The following NIP7 variants were observed in gnomAD, a reference collection of about 807,000 sequenced individuals.
NIP7 encodes the protein 60S ribosome subunit biogenesis protein NIP7 homolog.
NIP7 carries 12 observed loss-of-function variants against 20.1 expected under a neutral mutation model. The observed-to-expected ratio is 0.60, with a 90% confidence interval of 0.38 to 0.97. The LOEUF is 0.97. Ranked by LOEUF, NIP7 falls within the 50% of genes least tolerant of loss-of-function variation. NIP7 has a pLI of 0.00. For missense variants in NIP7, 226 were observed against 226.6 expected (o/e 1.00, Z 0.02); for synonymous variants, 103 against 87.2 (o/e 1.18, Z -1.01).
rs2012556961 is a variant in NIP7, at chr16:69,341,612, A to T, written c.503A>T (p.Asp168Val). ...GCGATTGTGGTATTTCATCAAGCAG[A>T]CATTGGGGAATATGTGCGGCATGAA... Reference protein sequence around the residue: ...PMAIVVFHQADIGEYVRHEET... With the variant: ...PMAIVVFHQAVIGEYVRHEET... The change falls in exon 5 of 5, where the codon GAC becomes GTC. Residue 168 changes from aspartate (D) to valine (V), a missense_variant. By Grantham distance (152) the Asp-to-Val change is radical. Coordinates refer to ENST00000254940, the MANE Select transcript of NIP7 (RefSeq NM_016101.5). 6.2e-7 allele frequency: 1 copy of T among 1,614,108 alleles called. No homozygotes were observed. Among genetic ancestry groups the T allele is most frequent in the Non-Finnish European group, 8.5e-7 (1 of 1,180,050 alleles).
At chr16:69,340,698 T>C in intron 3 of NIP7, 1 of 242,334 alleles carries the variant, frequency 4.1e-6, no homozygotes, top group South Asian at 8.3e-5. Context: ...TTCTTTTTCT[T>C]TCTTGCTCTG....
intron 3 of NIP7, 194 bp downstream of exon 3, chr16:69,340,526 T>G: frequency 1.5e-6 from 1 of 689,474 alleles, no homozygotes; most frequent in Non-Finnish European, 2.4e-6. Context: ...TGCGTAGGGT[T>G]AGTTTTCTCC....
intron 2 of NIP7, 44 bp downstream of exon 2, chr16:69,340,136 G>A (rs768234764): frequency 2.5e-6 from 4 of 1,612,972 alleles, no homozygotes; most frequent in Non-Finnish European, 3.4e-6. Flanking sequence ...GGGGAGAGGG[G>A]TCCTGGGTCC....
In NIP7 at chr16:69,342,988, T is replaced by TA. The variant is rs750964906; in HGVS notation, c.*1339dup. The TA allele has an allele frequency of 6.5e-6, 1 of 154,806 alleles. No homozygotes were observed. Among genetic ancestry groups the TA allele is most frequent in the Admixed American group, 6.4e-5 (1 of 15,580 alleles). The allele number at this position is 154,806 out of a possible 1,614,324, so 9.6% of individuals were successfully genotyped here. A position where few individuals can be genotyped will look rare whatever the true frequency, so the allele number is the denominator to read the frequency against. The stretch of plus-strand genomic sequence containing the variant: ...TTAAATATTTTATAGACAAAAAATT[T>TA]AAAGACTATCTGTATTGCAAAATTA... On this transcript the variant is annotated 3_prime_UTR_variant, in exon 5 of 5. Transcript: ENST00000254940.
rs899332163 is a variant in NIP7, at chr16:69,341,869, T to A, written c.*217T>A. 9.3e-6 allele frequency: 4 copies of A among 427,942 alleles called. No individual in the cohort carries two copies. Among genetic ancestry groups the A allele is most frequent in the Non-Finnish European group, 1.7e-5 (4 of 241,988 alleles). 26.5% of individuals were successfully genotyped at this position (427,942 alleles called of 1,614,324 possible). ...GGGGTTTCAGATCTTTGTGACGAAA[T>A]AGAATACTGTTTCATATTTGAATCA... is the stretch of plus-strand genomic sequence containing the variant. On this transcript the variant is annotated 3_prime_UTR_variant, in exon 5 of 5. Transcript: ENST00000254940.
intron 3 of NIP7, 94 bp from the exon 4 acceptor site, chr16:69,341,086 T>C: frequency 9.3e-7 from 1 of 1,076,882 alleles, no homozygotes; most frequent in African/African-American, 1.6e-5. Flanking sequence ...TTAAAATTAT[T>C]TCAGAAAATT....
chr16:69,340,399 G>T (rs1471380208), intron 3 of NIP7, 67 bp downstream of exon 3: 1 of 1,574,602 alleles, frequency 6.4e-7, no homozygotes, highest in East Asian at 2.2e-5. Flanking sequence ...TTGTCCGGCA[G>T]CTTCTCTCCC....
In NIP7 at chr16:69,339,860, G is replaced by C; in HGVS notation, c.31G>C (p.Val11Leu). 6.2e-7 allele frequency: 1 copy of C among 1,613,982 alleles called. No homozygotes were observed. Among genetic ancestry groups the C allele is most frequent in the Non-Finnish European group, 8.5e-7 (1 of 1,180,048 alleles). MRPLTEEETR[V>L]MFEKIAKYIG... ...GCCTTTGACTGAAGAGGAGACCCGT[G>C]TCATGTTTGAGAAGATAGCGAAATA... The change falls in exon 1 of 5, where the codon GTC becomes CTC. Residue 11 changes from valine (V) to leucine (L), a missense_variant. Physicochemically the swap from Val to Leu is conservative, Grantham distance 32. Transcript: ENST00000254940.
At chr16:69,341,028 G>C in intron 3 of NIP7, 152 bp from the exon 4 acceptor site, 2 of 687,048 alleles carry the variant, frequency 2.9e-6, no homozygotes, top group Non-Finnish European at 4.8e-6. Context: ...CTGCATTTCT[G>C]TTCAGGAGAT....
At chr16:69,341,407 T>C in intron 4 of NIP7, 87 bp downstream of exon 4, 1 of 1,571,958 alleles carries the variant, frequency 6.4e-7, no homozygotes, top group Admixed American at 1.8e-5. Flanking sequence ...AGAGAATAAA[T>C]TCTCAGCACG....
At chr16:69,339,957 G>C (rs750682754) in intron 1 of NIP7, 49 bp from the exon 2 acceptor site, 1 of 1,612,908 alleles carries the variant, frequency 6.2e-7, no homozygotes, top group Admixed American at 1.7e-5. Context: ...GCGCGGTGCC[G>C]GAGACCGGTT....
chr16:69,341,141 T>C (rs751182676), intron 3 of NIP7, 39 bp from the exon 4 acceptor site: 3 of 1,574,954 alleles, frequency 1.9e-6, no homozygotes, highest in African/African-American at 1.4e-5. Flanking sequence ...ATAGAAATAG[T>C]AACGTTTTTA....
chr16:69,341,394 T>C, intron 4 of NIP7, 74 bp downstream of exon 4: 1 of 1,577,532 alleles, frequency 6.3e-7, no homozygotes, highest in Non-Finnish European at 8.7e-7. Context: ...ATCTGAGTGC[T>C]TGAGAGAATA....
In NIP7 at chr16:69,339,885, A is replaced by T; in HGVS notation, c.56A>T (p.Tyr19Phe). 6.2e-7 allele frequency: 1 copy of T among 1,614,002 alleles called. No homozygotes were observed. Among genetic ancestry groups the T allele is most frequent in the Non-Finnish European group, 8.5e-7 (1 of 1,180,026 alleles). The part of the protein sequence containing the change: ...TRVMFEKIAK[Y>F]IGENLQLLVD... Reference sequence around the variant, plus strand: ...GTCATGTTTGAGAAGATAGCGAAATAGTAGGAGCGCGCGGGGCGGACGCGG... The same window carrying T: ...GTCATGTTTGAGAAGATAGCGAAATTGTAGGAGCGCGCGGGGCGGACGCGG... The change falls in exon 1 of 5, where the codon TAC (tyrosine) becomes TTC (phenylalanine). Residue 19 changes from tyrosine to phenylalanine, a missense_variant and splice_region_variant. By Grantham distance (22) the Tyr-to-Phe change is conservative. Transcript: ENST00000254940.
rs137966108 is a variant in NIP7, at chr16:69,342,623, G to T, written c.*971G>T. ...TGTAAAGCATCTAGTACAGTGTACA[G>T]TGCCTTGGAAATGATAGGTATGGAA... is the stretch of plus-strand genomic sequence containing the variant. On this transcript the variant is annotated 3_prime_UTR_variant, in exon 5 of 5. Transcript: ENST00000254940. 4.9e-4 allele frequency: 75 copies of T among 152,210 alleles called. No individual in the cohort carries two copies. The highest frequency in any genetic ancestry group is 1.7e-3 in the African/African-American group (72 of 41,552). The allele number at this position is 152,210 out of a possible 1,614,324, so 9.4% of individuals were successfully genotyped here. A position where few individuals can be genotyped will look rare whatever the true frequency, so the allele number is the denominator to read the frequency against.
At chr16:69,339,928 G>A in intron 1 of NIP7, 43 bp downstream of exon 1, 3 of 1,613,264 alleles carry the variant, frequency 1.9e-6, no homozygotes, top group Non-Finnish European at 2.5e-6. Flanking sequence ...TGGGTGTGGT[G>A]GCCAAGGGTG....
intron 3 of NIP7, 180 bp from the exon 4 acceptor site, chr16:69,341,000 A>G: frequency 1.7e-6 from 1 of 579,976 alleles, no homozygotes; most frequent in Non-Finnish European, 3.0e-6. Context: ...AGCGTGAGCC[A>G]CTGCACCGGG....
intron 1 of NIP7, 49 bp downstream of exon 1, chr16:69,339,934 G>A (rs757612221): frequency 6.2e-6 from 10 of 1,613,110 alleles, no homozygotes; most frequent in Non-Finnish European, 8.5e-6. Context: ...TGGTGGCCAA[G>A]GGTGGAGTGG....
At position 69,341,186 on chromosome 16, in the gene NIP7, G is replaced by C; in HGVS notation, c.289G>C (p.Val97Leu). The change falls in exon 4 of 5, where the codon GTT becomes CTT. Residue 97 changes from valine (V) to leucine (L), a missense_variant. By Grantham distance (32) the Val-to-Leu change is conservative (BLOSUM62 1). Coordinates refer to ENST00000254940, the MANE Select transcript of NIP7 (RefSeq NM_016101.5). The part of the protein sequence containing the change: ...DYLAPYAKYK[V>L]WIKPGAEQSF... Reference sequence around the variant, plus strand: ...GATTTTAATTCTCTTATAGTATAAAGTTTGGATAAAGCCTGGTGCAGAGCA... The same window carrying C: ...GATTTTAATTCTCTTATAGTATAAACTTTGGATAAAGCCTGGTGCAGAGCA... 1 of 1,613,446 alleles carries C rather than the reference G, an allele frequency of 6.2e-7. No homozygotes were observed. The highest frequency in any genetic ancestry group is 8.5e-7 in the Non-Finnish European group (1 of 1,179,720).
Sources: allele counts gnomAD v4.1 joint callset, GRCh38; gene constraint gnomAD v4.1.1; transcripts MANE v1.5; gene names NCBI Gene and HGNC (gene_info 2026-07-23, HGNC 2026-07-21).